The following STK33 variants were observed in gnomAD, a reference collection of about 807,000 sequenced individuals.
STK33 encodes the protein serine/threonine-protein kinase 33.
STK33 carries 52 observed loss-of-function variants against 58.0 expected under a neutral mutation model. That is an observed-to-expected ratio of 0.90 (90% CI 0.72 to 1.13). The LOEUF (loss-of-function observed/expected upper bound fraction) is 1.13. STK33 is among the 50% of genes most tolerant of loss of function. The probability of loss-of-function intolerance (pLI) is 0.00; values close to 1 mark genes in which losing one functional copy is unlikely to be tolerated. For synonymous variants in STK33, 215 were observed against 200.1 expected (o/e 1.07, Z -0.63); for missense variants, 630 against 604.2 (o/e 1.04, Z -0.45).
chr11:8,377,522 A>G, the STK33 span, among the ~76,000 whole-genome samples: 25 of 152,214 alleles, frequency 1.6e-4, no homozygotes, highest in Non-Finnish European at 1.5e-5. Context: ...ATCATACTGA[A>G]TGGGGAAAAG....
chr11:8,369,959 G>A, the STK33 span, among the ~76,000 whole-genome samples: 1 of 152,218 alleles, frequency 6.6e-6, no homozygotes, highest in East Asian at 1.9e-4. Flanking sequence ...AGCCCTGGAT[G>A]GGGGATGCCA....
chr11:8,513,901 C>T (rs776080803), intron 1 of STK33, among the ~76,000 whole-genome samples: 10 of 151,978 alleles, frequency 6.6e-5, no homozygotes, highest in Admixed American at 3.9e-4. Flanking sequence ...CTATCAAATA[C>T]GAGTTCTTAT....
chr11:8,529,338 T>C (rs147089442), intron 1 of STK33, among the ~76,000 whole-genome samples: 1,882 of 152,276 alleles, frequency 0.012, 17 homozygotes, highest in Non-Finnish European at 0.019. Context: ...TCTGCTCTTA[T>C]GGGGTCACAG....
chr11:8,540,817 T>C (rs1354906384), intron 1 of STK33, among the ~76,000 whole-genome samples: 1 of 152,136 alleles, frequency 6.6e-6, no homozygotes, highest in Non-Finnish European at 1.5e-5. Flanking sequence ...AAGTTAGAGA[T>C]AATACACAAC....
the STK33 span, among the ~76,000 whole-genome samples, chr11:8,385,874 A>G: frequency 4.0e-5 from 6 of 151,606 alleles, no homozygotes; most frequent in Non-Finnish European, 4.4e-5. Context: ...TCCCGGGTTC[A>G]CGCCATTCTC....
intron 11 of STK33, among the ~76,000 whole-genome samples, chr11:8,441,853 A>C (rs1011599858): frequency 6.6e-6 from 1 of 152,190 alleles, no homozygotes; most frequent in Admixed American, 6.6e-5. Flanking sequence ...AAGTATGTTA[A>C]GAATTCTGTG....
At chr11:8,520,149 T>C (rs1715626772) in intron 1 of STK33, among the ~76,000 whole-genome samples, 1 of 152,144 alleles carries the variant, frequency 6.6e-6, no homozygotes, top group South Asian at 2.1e-4. Flanking sequence ...TCCACCATGA[T>C]CAAGTCAGCT....
At chr11:8,545,365 T>C (rs1052080685) in intron 1 of STK33, among the ~76,000 whole-genome samples, 15 of 152,184 alleles carry the variant, frequency 9.9e-5, no homozygotes, top group Non-Finnish European at 1.8e-4. Context: ...GACAGCACCA[T>C]TTATGAATCT....
intron 11 of STK33, among the ~76,000 whole-genome samples, chr11:8,447,589 C>T (rs1195558685): frequency 6.6e-6 from 1 of 152,270 alleles, no homozygotes; most frequent in Admixed American, 6.5e-5. Context: ...TTCAACAATG[C>T]TTCATGCTAA....
At chr11:8,569,041 GAGA>G (rs760011994) in intron 1 of STK33, among the ~76,000 whole-genome samples, 1 of 152,106 alleles carries the variant, frequency 6.6e-6, no homozygotes, top group Non-Finnish European at 1.5e-5. Context: ...ATATTATCTG[GAGA>G]AGGTCCCCAA....
At chr11:8,467,884 G>A (rs970061491) in intron 6 of STK33, among the ~76,000 whole-genome samples, 1 of 152,026 alleles carries the variant, frequency 6.6e-6, no homozygotes, top group Non-Finnish European at 1.5e-5. Context: ...GGTGAAGGTT[G>A]CAGCGAGCTG....
At chr11:8,410,057 G>A (rs1234750695) in intron 15 of STK33, among the ~76,000 whole-genome samples, 1 of 152,148 alleles carries the variant, frequency 6.6e-6, no homozygotes, top group African/African-American at 2.4e-5. Flanking sequence ...ACTGGGATAA[G>A]AAAGTGTGCC....
chr11:8,459,698 A>G (rs1394485928), intron 8 of STK33, among the ~76,000 whole-genome samples: 1 of 152,102 alleles, frequency 6.6e-6, no homozygotes, highest in Non-Finnish European at 1.5e-5. Flanking sequence ...AGCAGTCTCC[A>G]TGAGTAGAGG....
At chr11:8,474,614 AAGCTAGG>A in intron 5 of STK33, 60 bp downstream of exon 5, 1 of 1,142,396 alleles carries the variant, frequency 8.8e-7, no homozygotes. Context: ...GATATGGATG[AAGCTAGG>A]AGTACCATTA....
chr11:8,352,987 C>T, the STK33 span, among the ~76,000 whole-genome samples: 5 of 152,212 alleles, frequency 3.3e-5, no homozygotes, highest in East Asian at 1.9e-4. Flanking sequence ...TGAATGCCCA[C>T]GGCCCTGGCC....
intron 14 of STK33, among the ~76,000 whole-genome samples, chr11:8,414,169 A>G (rs940810826): frequency 4.6e-5 from 7 of 152,204 alleles, no homozygotes; most frequent in African/African-American, 1.4e-4. Context: ...CTAAGAATAT[A>G]GATATTTAAT....
intron 1 of STK33, among the ~76,000 whole-genome samples, chr11:8,550,994 A>G (rs11041975): frequency 0.66 from 100,046 of 151,964 alleles, 32,857 homozygotes; most frequent in South Asian, 0.7. Flanking sequence ...AGAAAAAGAG[A>G]TTTAATGGAC....
chr11:8,447,834 A>T (rs1945708040), intron 11 of STK33, among the ~76,000 whole-genome samples: 1 of 152,206 alleles, frequency 6.6e-6, no homozygotes, highest in Non-Finnish European at 1.5e-5. Context: ...TTAGGAAAAG[A>T]GGAAGTCAAA....
chr11:8,568,060 T>C (rs185844390), intron 1 of STK33, among the ~76,000 whole-genome samples: 17 of 152,254 alleles, frequency 1.1e-4, no homozygotes, highest in African/African-American at 3.8e-4. Context: ...GTGCATAAAA[T>C]TGAAAGATGG....
Sources: allele counts gnomAD v4.1 joint callset (sites outside exome capture counted in the v4.1 genomes callset), GRCh38; gene constraint gnomAD v4.1.1; transcripts MANE v1.5; gene names NCBI Gene and HGNC (gene_info 2026-07-23, HGNC 2026-07-21).